The following DPY19L2 variants were observed in gnomAD, a reference collection of about 807,000 sequenced individuals.
DPY19L2 encodes dpy-19 like 2.
A neutral mutation model predicts 97.9 loss-of-function variants in DPY19L2; 34 were observed. The observed-to-expected ratio is 0.35, with a 90% confidence interval of 0.26 to 0.46. The LOEUF is 0.46. Ranked by LOEUF, DPY19L2 falls within the 20% of genes least tolerant of loss-of-function variation. The pLI, the probability that DPY19L2 is intolerant of heterozygous loss-of-function variation, is 1.00. For missense variants in DPY19L2, 623 were observed against 911.4 expected, an observed-to-expected ratio of 0.68 and a Z score of 4.07; for synonymous variants, 230 against 307.9, an observed-to-expected ratio of 0.75 and a Z score of 2.65.
chr12:63,598,515 C>T (rs1282634427), intron 13 of DPY19L2, among the ~76,000 whole-genome samples: 1 of 152,144 alleles, frequency 6.6e-6, no homozygotes, highest in Non-Finnish European at 1.5e-5. Context: ...TGCAGAACTT[C>T]TATTTTTCTA....
At chr12:63,615,656 T>C (rs1887705654) in intron 11 of DPY19L2, among the ~76,000 whole-genome samples, 1 of 152,104 alleles carries the variant, frequency 6.6e-6, no homozygotes, top group Non-Finnish European at 1.5e-5. Context: ...TGCAGGAAAC[T>C]TGTAGCTAAA....
chr12:63,598,437 C>A (rs1367791821), intron 13 of DPY19L2, among the ~76,000 whole-genome samples: 1 of 152,076 alleles, frequency 6.6e-6, no homozygotes, highest in African/African-American at 2.4e-5. Flanking sequence ...ATTATACATA[C>A]GACTTTGATC....
At chr12:63,615,369 C>T (rs866916119) in intron 11 of DPY19L2, among the ~76,000 whole-genome samples, 6 of 152,082 alleles carry the variant, frequency 3.9e-5, no homozygotes, top group Admixed American at 1.3e-4. Flanking sequence ...TTAACAGAGC[C>T]AGCATAAGGC....
At chr12:63,638,037 T>G (rs1164661002) in intron 6 of DPY19L2, among the ~76,000 whole-genome samples, 1 of 152,200 alleles carries the variant, frequency 6.6e-6, no homozygotes, top group East Asian at 1.9e-4. Context: ...ATCCCTGGGA[T>G]GCAAGGCTGG....
intron 6 of DPY19L2, among the ~76,000 whole-genome samples, chr12:63,641,041 C>T (rs1343264428): frequency 6.6e-5 from 10 of 152,030 alleles, no homozygotes; most frequent in African/African-American, 2.2e-4. Flanking sequence ...TACAGGCGCC[C>T]GCCACCACGC....
chr12:63,600,410 G>A (rs779332977), intron 12 of DPY19L2, 24 bp from the exon 13 acceptor site: 13 of 1,489,582 alleles, frequency 8.7e-6, no homozygotes, highest in South Asian at 1.1e-5. Flanking sequence ...TAGAAGTCCA[G>A]TATTTAAAAC....
At chr12:63,658,752 C>T (rs1019103170) in intron 4 of DPY19L2, among the ~76,000 whole-genome samples, 1 of 152,152 alleles carries the variant, frequency 6.6e-6, no homozygotes, top group East Asian at 1.9e-4. Flanking sequence ...CGGCACTGAT[C>T]TATCTGTGTC....
chr12:63,571,929 G>A (rs531443707), intron 19 of DPY19L2, among the ~76,000 whole-genome samples: 1 of 152,098 alleles, frequency 6.6e-6, no homozygotes, highest in Non-Finnish European at 1.5e-5. Context: ...ACATTATTCA[G>A]ATCTACTATA....
intron 4 of DPY19L2, among the ~76,000 whole-genome samples, chr12:63,651,377 G>A (rs1894203786): frequency 6.6e-6 from 1 of 152,068 alleles, no homozygotes; most frequent in South Asian, 2.1e-4. Flanking sequence ...AAAAGCAATT[G>A]CAACAAAACA....
chr12:63,587,314 G>A (rs1164885303), intron 16 of DPY19L2, among the ~76,000 whole-genome samples: 1 of 151,944 alleles, frequency 6.6e-6, no homozygotes, highest in African/African-American at 2.4e-5. Context: ...AATGTTGTAT[G>A]TGAAGATAGC....
At chr12:63,616,925 A>C (rs1887936080) in intron 11 of DPY19L2, among the ~76,000 whole-genome samples, 1 of 152,164 alleles carries the variant, frequency 6.6e-6, no homozygotes, top group Non-Finnish European at 1.5e-5. Flanking sequence ...AGAATGTGCC[A>C]TAGTCTGTGA....
At chr12:63,661,566 T>TTA (rs1895684784) in intron 3 of DPY19L2, 85 bp from the exon 4 acceptor site, 11 of 762,198 alleles carry the variant, frequency 1.4e-5, no homozygotes, top group African/African-American at 6.1e-5. Flanking sequence ...ACTTTTTTTC[T>TTA]GAAAAAAAAA....
intron 4 of DPY19L2, among the ~76,000 whole-genome samples, chr12:63,659,362 A>G (rs1895379556): frequency 6.6e-6 from 1 of 152,112 alleles, no homozygotes; most frequent in South Asian, 2.1e-4. Context: ...AAAATAATCA[A>G]CAAAATGGAG....
chr12:63,580,766 A>T lies in DPY19L2; in HGVS notation c.1796T>A (p.Ile599Lys). The T allele has an allele frequency of 6.2e-7, 1 of 1,613,666 alleles. No individual in the cohort carries two copies. The highest frequency in any genetic ancestry group is 8.5e-7 in the Non-Finnish European group (1 of 1,179,702). The change falls in exon 19 of 22, where the codon ATA (isoleucine) becomes AAA (lysine). Residue 599 changes from isoleucine (I) to lysine (K), a missense_variant. Ile to Lys is a moderately radical substitution (Grantham distance 102). This residue lies in a region of DPY19L2 where 294 missense variants were observed against 446.2 expected (regional missense o/e 0.66). Transcript: ENST00000324472. ...VIFGILTVMS[I>K]QGYANLRNQW... Reference sequence around the variant, plus strand: ...ATTACGGAGGTTTGCATAACCTTGTATTGACATCACTGTTAAAATGCCAAA... The same window carrying T: ...ATTACGGAGGTTTGCATAACCTTGTTTTGACATCACTGTTAAAATGCCAAA...
chr12:63,585,288 G>A (rs577244465), intron 16 of DPY19L2, among the ~76,000 whole-genome samples: 7 of 152,132 alleles, frequency 4.6e-5, no homozygotes, highest in African/African-American at 9.7e-5. Context: ...GATTTTGGGG[G>A]TGAAGAGAGA....
chr12:63,657,946 T>C (rs1895183565), intron 4 of DPY19L2, among the ~76,000 whole-genome samples: 1 of 152,206 alleles, frequency 6.6e-6, no homozygotes, highest in African/African-American at 2.4e-5. Context: ...TCTTTGTGCT[T>C]TCTGCAGGCA....
At chr12:63,656,507 GTTTATCTATTC>G (rs1894995539) in intron 4 of DPY19L2, among the ~76,000 whole-genome samples, 1 of 152,050 alleles carries the variant, frequency 6.6e-6, no homozygotes, top group African/African-American at 2.4e-5. Flanking sequence ...TGTTTGGTTT[GTTTATCTATTC>G]ATTCATGCAT....
chr12:63,668,275 G>T lies in DPY19L2; in HGVS notation c.119C>A (p.Ser40Ter). ...EPEVEEEMEK[S>*]ALGGGKLPRG... Reference sequence around the variant, plus strand: ...TGGCAGTTTCCCGCCGCCTAGGGCCGACTTTTCCATCTCCTCCTCTACCTC... The same window carrying T: ...TGGCAGTTTCCCGCCGCCTAGGGCCTACTTTTCCATCTCCTCCTCTACCTC... Residue 40 changes from serine to a stop codon, truncating the protein, a stop_gained, in exon 1 of 22, where the codon TCG becomes TAG. Coordinates refer to ENST00000324472, the MANE Select transcript of DPY19L2 (RefSeq NM_173812.5). LOFTEE classifies it high-confidence loss of function. The T allele has an allele frequency of 6.2e-7, 1 of 1,613,920 alleles. No individual in the cohort carries two copies. Among genetic ancestry groups the T allele is most frequent in the Non-Finnish European group, 8.5e-7 (1 of 1,179,888 alleles).
intron 5 of DPY19L2, among the ~76,000 whole-genome samples, chr12:63,645,595 G>A (rs1893308854): frequency 6.6e-6 from 1 of 152,078 alleles, no homozygotes; most frequent in Admixed American, 6.6e-5. Context: ...CAAACCTGCT[G>A]CTGTTCAAAT....
Sources: allele counts gnomAD v4.1 joint callset (sites outside exome capture counted in the v4.1 genomes callset), GRCh38; gene constraint gnomAD v4.1.1; regional missense constraint gnomAD v4.1.1; transcripts MANE v1.5; gene names NCBI Gene and HGNC (gene_info 2026-07-23, HGNC 2026-07-21).